The following REG3G variants were observed in gnomAD, a reference collection of about 807,000 sequenced individuals.
The protein encoded by REG3G is regenerating family member 3 gamma.
A neutral mutation model predicts 20.9 loss-of-function variants in REG3G; 19 were observed. That is an observed-to-expected ratio of 0.91 (90% CI 0.64 to 1.34). REG3G has a LOEUF of 1.34. Ranked by LOEUF, REG3G falls within the 40% of genes most tolerant of loss-of-function variation. The pLI is 0.00. For synonymous variants in REG3G, 89 were observed against 77.4 expected (o/e 1.15, Z -0.79); for missense variants, 235 against 205.0 (o/e 1.15, Z -0.89).
intron 5 of REG3G, 63 bp downstream of exon 5, chr2:79,027,996 C>A (rs2290078): frequency 0.022 from 35,727 of 1,595,236 alleles, 2,375 homozygotes; most frequent in Admixed American, 0.16. Flanking sequence ...ATTTCCTGAC[C>A]TTCAGGAAAT....
In REG3G at chr2:79,027,175, C is replaced by T. The variant is rs373696295; in HGVS notation, c.333+4C>T. On this transcript the variant is annotated splice_donor_region_variant and intron_variant, in intron 4 of 5. Transcript: ENST00000272324. ...TGGGCTCCATGACCCCACACAGGTG[C>T]GAGTATATCCTCCCCTCTCTGTTAC... is the stretch of plus-strand genomic sequence containing the variant. 75 of 1,613,274 alleles carry T rather than the reference C, an allele frequency of 4.6e-5. No individual in the cohort carries two copies. In the East Asian group the frequency reaches 7.1e-4, roughly 15 times the overall value.
chr2:79,028,282 G>A lies in REG3G; in HGVS notation c.*6G>A, dbSNP rs374521342. The A allele has an allele frequency of 6.2e-7, 1 of 1,606,604 alleles. No homozygotes were observed. Among genetic ancestry groups the A allele is most frequent in the Non-Finnish European group, 8.5e-7 (1 of 1,173,250 alleles). On this transcript the variant is annotated 3_prime_UTR_variant, in exon 6 of 6. Transcript: ENST00000272324. ...TCTGCAAGTTCAAGGACTAGGGCAGGTGGGAAGTCAGCAGCCTGAGCTTGG... is the reference window on the plus strand; with the variant it reads ...TCTGCAAGTTCAAGGACTAGGGCAGATGGGAAGTCAGCAGCCTGAGCTTGG...
chr2:79,028,491 G>T lies in REG3G; in HGVS notation c.*215G>T. 2 of 512,980 alleles carry T rather than the reference G, an allele frequency of 3.9e-6. No homozygotes were observed. Among genetic ancestry groups the T allele is most frequent in the Non-Finnish European group, 7.0e-6 (2 of 287,512 alleles). 31.8% of individuals were successfully genotyped at this position (512,980 alleles called of 1,614,324 possible). Reference sequence around the variant, plus strand: ...GATCTCAGAGAATAATAATAAAAATGTTACTTTATACGTATATGCTTTTGT... The same window carrying T: ...GATCTCAGAGAATAATAATAAAAATTTTACTTTATACGTATATGCTTTTGT... On this transcript the variant is annotated 3_prime_UTR_variant, in exon 6 of 6. Coordinates refer to ENST00000272324, the MANE Select transcript of REG3G (RefSeq NM_001008387.3).
In REG3G at chr2:79,027,989, T is replaced by C. The variant is rs968480154; in HGVS notation, c.460+56T>C. 5 of 1,607,730 alleles carry C rather than the reference T, an allele frequency of 3.1e-6. No individual in the cohort carries two copies. The African/African-American group carries it at 6.7e-5, about 22-fold the overall frequency. On this transcript the variant is annotated intron_variant, in intron 5 of 5. Coordinates refer to ENST00000272324, the MANE Select transcript of REG3G (RefSeq NM_001008387.3). ...CACTTTCCACTCCTCATCCCCAATT[T>C]CCTGACCTTCAGGAAATCCTTTTCA... is the stretch of plus-strand genomic sequence containing the variant.
intron 2 of REG3G, chr2:79,026,412 G>T (rs1159321105): frequency 9.9e-5 from 59 of 598,412 alleles, no homozygotes; most frequent in Non-Finnish European, 5.3e-5. Context: ...TGGTGGGAAA[G>T]TGTGGAGGGT....
intron 2 of REG3G, 178 bp downstream of exon 2, chr2:79,026,347 C>A (rs1671619824): frequency 1.5e-6 from 1 of 647,914 alleles, no homozygotes; most frequent in Non-Finnish European, 2.7e-6. Context: ...CCACTGTGGT[C>A]CACTAACAAT....
chr2:79,027,762 T>G, intron 4 of REG3G, 45 bp from the exon 5 acceptor site: 2 of 1,612,340 alleles, frequency 1.2e-6, no homozygotes, highest in Non-Finnish European at 8.5e-7. Context: ...CAAAGAGACC[T>G]GCAATGGCCA....
At chr2:79,027,228 G>A (rs568751267) in intron 4 of REG3G, 57 bp downstream of exon 4, 605 of 1,573,212 alleles carry the variant, frequency 3.8e-4, no homozygotes, top group Non-Finnish European at 5.0e-4. Context: ...TTGCCCAGGC[G>A]CACTCCCTGT....
Position 79,028,351 on chromosome 2 carries a change from C to A in REG3G, c.*75C>A. ...CATGAGACCAGTGTGAAGACTCACC[C>A]TGGAAGAGAATATTCTCCCCAAACT... On this transcript the variant is annotated 3_prime_UTR_variant, in exon 6 of 6. Transcript: ENST00000272324. The A allele has an allele frequency of 1.0e-6, 1 of 984,004 alleles. No homozygotes were observed. Among genetic ancestry groups the A allele is most frequent in the East Asian group, 2.4e-5 (1 of 41,664 alleles). 61.0% of individuals were successfully genotyped at this position (984,004 alleles called of 1,614,324 possible).
In REG3G at chr2:79,028,415, T is replaced by A; in HGVS notation, c.*139T>A. The A allele has an allele frequency of 5.1e-6, 3 of 590,658 alleles. No individual in the cohort carries two copies. The highest frequency in any genetic ancestry group is 9.2e-6 in the Non-Finnish European group (3 of 327,428). The allele number at this position is 590,658 out of a possible 1,614,324, so 36.6% of individuals were successfully genotyped here. ...ACCTTGTCATGATCCTCCTTCTTTT[T>A]CCTTTTTCTTCACCTTCATTTCAGG... is the stretch of plus-strand genomic sequence containing the variant. On this transcript the variant is annotated 3_prime_UTR_variant, in exon 6 of 6. Transcript: ENST00000272324.
chr2:79,027,176 G>A lies in REG3G; in HGVS notation c.333+5G>A, dbSNP rs778661670. 31 of 1,613,352 alleles carry A rather than the reference G, an allele frequency of 1.9e-5. No homozygotes were observed. The Middle Eastern group carries it at 4.9e-4, about 26-fold the overall frequency. On this transcript the variant is annotated splice_donor_5th_base_variant and intron_variant, in intron 4 of 5. Coordinates refer to ENST00000272324, the MANE Select transcript of REG3G (RefSeq NM_001008387.3). The stretch of plus-strand genomic sequence containing the variant: ...GGGCTCCATGACCCCACACAGGTGC[G>A]AGTATATCCTCCCCTCTCTGTTACC...
At chr2:79,028,187 C>T (rs1671673899) in intron 5 of REG3G, 22 bp from the exon 6 acceptor site, 2 of 1,580,410 alleles carry the variant, frequency 1.3e-6, no homozygotes, top group African/African-American at 1.3e-5. Flanking sequence ...AGCCCCATGC[C>T]TTTTATATTC....
rs764856220 is a variant in REG3G at position 79,027,899 on chromosome 2, C to T, written c.426C>T (p.Asn142=). The T allele has an allele frequency of 6.2e-7, 1 of 1,614,056 alleles. No individual in the cohort carries two copies. Among genetic ancestry groups the T allele is most frequent in the Non-Finnish European group, 8.5e-7 (1 of 1,179,976 alleles). The part of the protein sequence containing the change: ...AWEKNPSTIL[N]PGHCGSLSRS... ...AGAAAAATCCCTCCACCATCTTAAA[C>T]CCTGGCCACTGTGGGAGCCTGTCAA... The change falls in exon 5 of 6, where the codon AAC becomes AAT. Residue 142 remains asparagine (N), a synonymous_variant. Transcript: ENST00000272324.
chr2:79,026,962 C>T (rs1327738446), intron 3 of REG3G, 72 bp from the exon 4 acceptor site: 13 of 1,591,010 alleles, frequency 8.2e-6, no homozygotes, highest in South Asian at 3.4e-5. Flanking sequence ...CAGTCCTCCT[C>T]CCACCTACCT....
intron 5 of REG3G, 73 bp downstream of exon 5, chr2:79,028,006 T>C: frequency 6.3e-7 from 1 of 1,591,576 alleles, no homozygotes; most frequent in Non-Finnish European, 8.6e-7. Flanking sequence ...CTTCAGGAAA[T>C]CCTTTTCAGC....
In REG3G at chr2:79,025,999, A is replaced by G. The variant is rs1346419762; in HGVS notation, c.-95A>G. 8.3e-7 allele frequency: 1 copy of G among 1,199,654 alleles called. No individual in the cohort carries two copies. Among genetic ancestry groups the G allele is most frequent in the Non-Finnish European group, 1.2e-6 (1 of 815,158 alleles). 74.3% of individuals were successfully genotyped at this position (1,199,654 alleles called of 1,614,324 possible). A position where few individuals can be genotyped will look rare whatever the true frequency, so the allele number is the denominator to read the frequency against. ...TCACTTCAGTCCTAGGGGACTACAG[A>G]AGGAAAAAGACAAGAGGCAGTAGGA... is the stretch of plus-strand genomic sequence containing the variant. On this transcript the variant is annotated 5_prime_UTR_variant, in exon 2 of 6. Coordinates refer to ENST00000272324, the MANE Select transcript of REG3G (RefSeq NM_001008387.3).
rs1671632838 is a variant in REG3G, at chr2:79,026,813, A to T, written c.177A>T (p.Lys59Asn). The change falls in exon 3 of 6, where the codon AAA becomes AAT. Residue 59 changes from lysine to asparagine, a missense_variant. Coordinates refer to ENST00000272324, the MANE Select transcript of REG3G (RefSeq NM_001008387.3). ...GCTATGCCTTGTTTTTGTCACCAAA[A>T]TCCTGGATGGATGCAGATGTGAGTG... ...SPCYALFLSP[K>N]SWMDADLACQ... 6.2e-7 allele frequency: 1 copy of T among 1,612,488 alleles called. No individual in the cohort carries two copies. Among genetic ancestry groups the T allele is most frequent in the Non-Finnish European group, 8.5e-7 (1 of 1,179,642 alleles).
Position 79,028,416 on chromosome 2 carries a change from C to A in REG3G, c.*140C>A, listed in dbSNP as rs918611915. ...CCTTGTCATGATCCTCCTTCTTTTT[C>A]CTTTTTCTTCACCTTCATTTCAGGC... On this transcript the variant is annotated 3_prime_UTR_variant, in exon 6 of 6. Coordinates refer to ENST00000272324, the MANE Select transcript of REG3G (RefSeq NM_001008387.3). 7 of 588,910 alleles carry A rather than the reference C, an allele frequency of 1.2e-5. No homozygotes were observed. The highest frequency in any genetic ancestry group is 2.1e-5 in the Non-Finnish European group (7 of 326,672). 36.5% of individuals were successfully genotyped at this position (588,910 alleles called of 1,614,324 possible). A position where few individuals can be genotyped will look rare whatever the true frequency, so the allele number is the denominator to read the frequency against.
Position 79,026,172 on chromosome 2 carries a change from G to A in REG3G, c.76+3G>A, listed in dbSNP as rs1238117658. The stretch of plus-strand genomic sequence containing the variant: ...CATTCTCCTGTGTCAGGTTCAAGGT[G>A]AGATTTCTCTGCCTCTAGCACTGGG... On this transcript the variant is annotated splice_donor_region_variant and intron_variant, in intron 2 of 5. Coordinates refer to ENST00000272324, the MANE Select transcript of REG3G (RefSeq NM_001008387.3). 1.2e-6 allele frequency: 2 copies of A among 1,613,884 alleles called. No homozygotes were observed. The highest frequency in any genetic ancestry group is 1.7e-4 in the Middle Eastern group (1 of 6,060).
Sources: allele counts gnomAD v4.1 joint callset, GRCh38; gene constraint gnomAD v4.1.1; transcripts MANE v1.5; gene names NCBI Gene and HGNC (gene_info 2026-07-23, HGNC 2026-07-21).